IQGAP2: variants seen among roughly 807,000 people sequenced by gnomAD.
IQGAP2 encodes ras GTPase-activating-like protein IQGAP2.
A neutral mutation model predicts 201.3 loss-of-function variants in IQGAP2; 173 were observed. The ratio of observed to expected loss-of-function variants is 0.86; its 90% CI spans 0.76 to 0.98. The LOEUF (loss-of-function observed/expected upper bound fraction) is 0.98, where lower values mean the gene tolerates loss of function less well. IQGAP2 is among the 50% of genes least tolerant of loss of function. The pLI is 0.00. For missense variants in IQGAP2, 1,687 were observed against 1,864.8 expected, an observed-to-expected ratio of 0.90 and a Z score of 1.76; for synonymous variants, 675 against 673.9, an observed-to-expected ratio of 1.00 and a Z score of -0.03.
intron 2 of IQGAP2, among the ~76,000 whole-genome samples, chr5:76,530,733 C>T (rs1759246231): frequency 6.6e-6 from 1 of 152,206 alleles, no homozygotes; most frequent in South Asian, 2.1e-4. Context: ...AGATGTACAT[C>T]TTAGTTTTCT....
At chr5:76,672,759 CA>C (rs1304883071) in intron 24 of IQGAP2, among the ~76,000 whole-genome samples, 1 of 152,032 alleles carries the variant, frequency 6.6e-6, no homozygotes, top group African/African-American at 2.4e-5. Flanking sequence ...ATGCGAGGCC[CA>C]CAGACATACA....
At chr5:76,549,613 C>A (rs372482773) in intron 2 of IQGAP2, among the ~76,000 whole-genome samples, 68 of 152,154 alleles carry the variant, frequency 4.5e-4, no homozygotes, top group African/African-American at 1.6e-3. Context: ...TTTACTTTCT[C>A]ACAGTTTTGG....
rs76085630 is a variant in IQGAP2 at position 76,565,176 on chromosome 5, T to A, written c.303+2624T>A. Among the ~76,000 whole-genome samples, 8 of 152,274 alleles carry A rather than the reference T, an allele frequency of 5.3e-5. No homozygotes were observed. The East Asian group carries it at 1.5e-3, about 29-fold the overall frequency. ...GGACTGAAGCATGTCACATAGCCCTTTGCAAGGAGAGCTAAATCATGGGAC... is the reference window on the plus strand; with the variant it reads ...GGACTGAAGCATGTCACATAGCCCTATGCAAGGAGAGCTAAATCATGGGAC... On this transcript the variant is annotated intron_variant, in intron 3 of 35. Transcript: ENST00000274364.
intron 30 of IQGAP2, among the ~76,000 whole-genome samples, chr5:76,685,985 A>G (rs1320493291): frequency 1.3e-5 from 2 of 152,142 alleles, no homozygotes; most frequent in Admixed American, 6.5e-5. Flanking sequence ...TATGTCTTTG[A>G]ACTTTTGCCT....
chr5:76,444,455 C>CA (rs937286981), intron 1 of IQGAP2, among the ~76,000 whole-genome samples: 1 of 152,132 alleles, frequency 6.6e-6, no homozygotes, highest in African/African-American at 2.4e-5. Context: ...CCCACTACCA[C>CA]ACCTGGCTAA....
At chr5:76,523,469 G>A (rs1420489087) in intron 2 of IQGAP2, among the ~76,000 whole-genome samples, 7 of 152,100 alleles carry the variant, frequency 4.6e-5, no homozygotes, top group Admixed American at 4.6e-4. Context: ...TTTGCTACCT[G>A]GGTTGAAACA....
intron 2 of IQGAP2, among the ~76,000 whole-genome samples, chr5:76,522,779 T>C (rs957901424): frequency 3.9e-5 from 6 of 152,218 alleles, no homozygotes; most frequent in South Asian, 2.1e-4. Context: ...ATCTGTTCTG[T>C]GTGCCTTGGA....
chr5:76,485,003 A>AT (rs1422833028), intron 2 of IQGAP2, among the ~76,000 whole-genome samples: 2 of 152,090 alleles, frequency 1.3e-5, no homozygotes, highest in African/African-American at 4.8e-5. Flanking sequence ...TATGCTTTTA[A>AT]TTTTTTGAAG....
At chr5:76,413,044 C>T (rs1466445579) in intron 1 of IQGAP2, among the ~76,000 whole-genome samples, 2 of 142,988 alleles carry the variant, frequency 1.4e-5, no homozygotes, top group African/African-American at 6.0e-5. Flanking sequence ...TCCTTCTTTA[C>T]CTGTATCCTT....
chr5:76,629,131 C>T (rs1750490044), intron 14 of IQGAP2, among the ~76,000 whole-genome samples: 1 of 152,100 alleles, frequency 6.6e-6, no homozygotes, highest in Non-Finnish European at 1.5e-5. Flanking sequence ...TAATTTTGTA[C>T]TCTGTATTGC....
chr5:76,428,441 T>TC (rs1486462529), intron 1 of IQGAP2, among the ~76,000 whole-genome samples: 1 of 149,882 alleles, frequency 6.7e-6, no homozygotes, highest in Admixed American at 6.6e-5. Flanking sequence ...TTTTTTCTTT[T>TC]TTTTTTTTTT....
chr5:76,479,239 G>T (rs532276999), intron 2 of IQGAP2, among the ~76,000 whole-genome samples: 1 of 152,056 alleles, frequency 6.6e-6, no homozygotes, highest in East Asian at 1.9e-4. Flanking sequence ...ATTCTCACTC[G>T]CTGTACCCCA....
intron 2 of IQGAP2, among the ~76,000 whole-genome samples, chr5:76,473,158 T>G (rs1561397942): frequency 6.6e-6 from 1 of 152,240 alleles, no homozygotes; most frequent in Non-Finnish European, 1.5e-5. Flanking sequence ...TTTCTTTATT[T>G]CTTAATGTGT....
In IQGAP2 at chr5:76,695,384, A is replaced by G. The variant is rs1746630212; in HGVS notation, c.3994-70A>G. ...TACTTTCATTTTGACATTAACTTGC[A>G]TTGTGTAGCTTATGAACTGTGAAAT... On this transcript the variant is annotated intron_variant, in intron 31 of 35. Transcript: ENST00000274364. 9 of 1,299,242 alleles carry G rather than the reference A, an allele frequency of 6.9e-6. No homozygotes were observed. In the South Asian group the frequency reaches 9.8e-5, roughly 14 times the overall value. The allele number at this position is 1,299,242 out of a possible 1,614,324, so 80.5% of individuals were successfully genotyped here.
At chr5:76,460,386 G>T (rs1348121403) in intron 1 of IQGAP2, among the ~76,000 whole-genome samples, 1 of 152,164 alleles carries the variant, frequency 6.6e-6, no homozygotes, top group Non-Finnish European at 1.5e-5. Flanking sequence ...TAAAGTGTGG[G>T]CTTCCTGGAT....
intron 4 of IQGAP2, among the ~76,000 whole-genome samples, chr5:76,573,724 G>A (rs1745276740): frequency 6.6e-6 from 1 of 150,802 alleles, no homozygotes; most frequent in Admixed American, 6.6e-5. Flanking sequence ...TGATTCTCCT[G>A]CCTCAGCCAC....
chr5:76,493,253 A>G (rs1293963866), intron 2 of IQGAP2, among the ~76,000 whole-genome samples: 1 of 151,952 alleles, frequency 6.6e-6, no homozygotes, highest in African/African-American at 2.4e-5. Context: ...CAAAGTCCTC[A>G]TGAAGATCCA....
At chr5:76,457,409 C>T (rs1400684806) in intron 1 of IQGAP2, among the ~76,000 whole-genome samples, 1 of 152,194 alleles carries the variant, frequency 6.6e-6, no homozygotes, top group Non-Finnish European at 1.5e-5. Flanking sequence ...TTCAATATAT[C>T]CCTCAAATCT....
rs552854172 is a variant in IQGAP2 at position 76,476,121 on chromosome 5, T to C, written c.146+14452T>C. On this transcript the variant is annotated intron_variant, in intron 2 of 35. Transcript: ENST00000274364. ...AAGCCTTGATCTTACAGGTGGAGTA[T>C]TTCCAGGTAGTGATAACGTGCAAGG... Among the ~76,000 whole-genome samples the C allele has an allele frequency of 2.0e-5, 3 of 152,240 alleles. No homozygotes were observed. In the South Asian group the frequency reaches 6.2e-4, roughly 32 times the overall value.
Sources: gnomAD v4.1 joint callset for allele counts (sites outside exome capture counted in the v4.1 genomes callset) on GRCh38, gnomAD v4.1.1 for gene constraint, MANE v1.5 for transcripts, NCBI Gene and HGNC (gene_info 2026-07-23, HGNC 2026-07-21) for gene names.